Variants in GRIP1 observed in about 807,000 individuals in gnomAD.
GRIP1 encodes the protein glutamate receptor interacting protein 1, also known as glutamate receptor-interacting protein 1.
Under a neutral mutation model 129.9 loss-of-function variants are expected in GRIP1, and 45 were observed. The observed-to-expected ratio is 0.35, with a 90% CI of 0.27 to 0.44. GRIP1 has a LOEUF of 0.44. GRIP1 is among the 20% of genes least tolerant of loss of function. GRIP1 has a pLI of 1.00. For missense variants in GRIP1, 1,196 were observed against 1,396.8 expected (o/e 0.86, Z 2.29); for synonymous variants, 530 against 520.8 (o/e 1.02, Z -0.24).
At chr12:66,552,566 C>T (rs2062176992) in intron 2 of GRIP1, among the ~76,000 whole-genome samples, 1 of 152,114 alleles carries the variant, frequency 6.6e-6, no homozygotes, top group African/African-American at 2.4e-5. Context: ...ATTTTACGTA[C>T]ATGAAATTTC....
intron 7 of GRIP1, among the ~76,000 whole-genome samples, chr12:66,495,604 G>A (rs1307795210): frequency 1.3e-5 from 2 of 152,056 alleles, no homozygotes; most frequent in African/African-American, 4.8e-5. Flanking sequence ...CTGCCAAATA[G>A]TACCTTCAGC....
intron 1 of GRIP1, among the ~76,000 whole-genome samples, chr12:66,664,121 T>C (rs2033665878): frequency 6.6e-6 from 1 of 152,124 alleles, no homozygotes; most frequent in Non-Finnish European, 1.5e-5. Flanking sequence ...TTTTTTTGCA[T>C]TTCCAAGACA....
At chr12:66,918,160 C>T (rs776679323) in intron 1 of GRIP1, among the ~76,000 whole-genome samples, 5 of 151,878 alleles carry the variant, frequency 3.3e-5, no homozygotes, top group African/African-American at 4.8e-5. Flanking sequence ...AGTCCAAAAG[C>T]CTGAGATCCA....
At chr12:66,697,924 T>C (rs188904539) in intron 1 of GRIP1, among the ~76,000 whole-genome samples, 1 of 152,350 alleles carries the variant, frequency 6.6e-6, no homozygotes, top group Admixed American at 6.5e-5. Context: ...TAAAAGCTTA[T>C]TGATCCTCTT....
chr12:66,590,100 C>T (rs916975101), intron 2 of GRIP1, among the ~76,000 whole-genome samples: 9 of 152,124 alleles, frequency 5.9e-5, no homozygotes, highest in African/African-American at 2.2e-4. Flanking sequence ...ACACTGGAGG[C>T]TGTTGCTAGC....
At chr12:66,980,175 G>T (rs575242417) in intron 1 of GRIP1, among the ~76,000 whole-genome samples, 1 of 152,268 alleles carries the variant, frequency 6.6e-6, no homozygotes, top group South Asian at 2.1e-4. Context: ...GCTACAAACA[G>T]TTCATCTCTC....
At chr12:66,703,569 A>G (rs952292702) in intron 1 of GRIP1, among the ~76,000 whole-genome samples, 2 of 152,014 alleles carry the variant, frequency 1.3e-5, no homozygotes, top group Non-Finnish European at 2.9e-5. Flanking sequence ...AAGGAATATG[A>G]ATGACAGAGG....
At chr12:66,820,098 G>T (rs1244857667) in intron 1 of GRIP1, among the ~76,000 whole-genome samples, 1 of 152,148 alleles carries the variant, frequency 6.6e-6, no homozygotes. Context: ...TTGGCAGGAA[G>T]AGGGAAAAAT....
chr12:67,031,308 G>A (rs978379454), intron 1 of GRIP1, among the ~76,000 whole-genome samples: 1 of 152,156 alleles, frequency 6.6e-6, no homozygotes, highest in African/African-American at 2.4e-5. Flanking sequence ...TAACTTCTGT[G>A]ATGCTAAACT....
chr12:66,400,753 G>A (rs988001421), intron 16 of GRIP1, among the ~76,000 whole-genome samples: 2 of 152,112 alleles, frequency 1.3e-5, no homozygotes, highest in Non-Finnish European at 2.9e-5. Flanking sequence ...TGACAAAAAG[G>A]TGGTAATACA....
At chr12:66,531,260 T>A (rs1425472112) in intron 4 of GRIP1, among the ~76,000 whole-genome samples, 17 of 6,984 alleles carry the variant, frequency 2.4e-3, no homozygotes, top group South Asian at 8.5e-3. Flanking sequence ...AAAATATATA[T>A]ATATATATAT....
chr12:66,755,146 T>A (rs967498268), intron 1 of GRIP1, among the ~76,000 whole-genome samples: 1 of 152,132 alleles, frequency 6.6e-6, no homozygotes, highest in African/African-American at 2.4e-5. Context: ...ATTAAAAAAA[T>A]TCCAGAGTAG....
chr12:66,482,750 GA>G (rs1282325950), intron 7 of GRIP1, among the ~76,000 whole-genome samples: 2 of 152,124 alleles, frequency 1.3e-5, no homozygotes, highest in East Asian at 3.8e-4. Context: ...TCTTATTTAA[GA>G]AAGTGCAAGA....
chr12:66,749,889 G>C (rs965530048), intron 1 of GRIP1, among the ~76,000 whole-genome samples: 5 of 152,182 alleles, frequency 3.3e-5, no homozygotes, highest in African/African-American at 1.2e-4. Flanking sequence ...TGGATACAGA[G>C]AGAGAAATAA....
chr12:66,661,459 C>CA (rs576128556), intron 1 of GRIP1, among the ~76,000 whole-genome samples: 2,804 of 43,164 alleles, frequency 0.065, 121 homozygotes, highest in African/African-American at 0.17. Flanking sequence ...TAGATTTTGG[C>CA]AAAAAAAAAA....
intron 7 of GRIP1, among the ~76,000 whole-genome samples, chr12:66,476,108 T>A (rs1293213796): frequency 2.0e-5 from 3 of 151,970 alleles, no homozygotes; most frequent in African/African-American, 7.3e-5. Flanking sequence ...TCAACAAAAC[T>A]GATAGACTGC....
chr12:66,678,571 G>A (rs1592734596), intron 1 of GRIP1, among the ~76,000 whole-genome samples: 1 of 151,526 alleles, frequency 6.6e-6, no homozygotes, highest in Non-Finnish European at 1.5e-5. Flanking sequence ...CTTCAGCACC[G>A]GACCCAAACA....
chr12:66,936,282 C>A (rs556309859), intron 1 of GRIP1, among the ~76,000 whole-genome samples: 35 of 151,886 alleles, frequency 2.3e-4, no homozygotes, highest in South Asian at 4.2e-4. Flanking sequence ...AAAAATCAGC[C>A]GAGCATGGTG....
At chr12:66,913,833 T>A (rs2041073120) in intron 1 of GRIP1, among the ~76,000 whole-genome samples, 2 of 152,222 alleles carry the variant, frequency 1.3e-5, no homozygotes, top group Non-Finnish European at 2.9e-5. Flanking sequence ...AATATTATAC[T>A]GTTCATATCA....
Sources: allele counts gnomAD v4.1 joint callset (sites outside exome capture counted in the v4.1 genomes callset), GRCh38; gene constraint gnomAD v4.1.1; transcripts MANE v1.5; gene names NCBI Gene and HGNC (gene_info 2026-07-23, HGNC 2026-07-21).